The following EPB41L5 variants were observed in gnomAD, a reference collection of about 807,000 sequenced individuals.
The protein encoded by EPB41L5 is band 4.1-like protein 5.
A neutral mutation model predicts 106.6 loss-of-function variants in EPB41L5; 55 were observed. That is an observed-to-expected ratio of 0.52 (90% confidence interval 0.42 to 0.65). The LOEUF (loss-of-function observed/expected upper bound fraction) is 0.65. Ranked by LOEUF, EPB41L5 falls within the 30% of genes least tolerant of loss-of-function variation. The pLI is 0.00. For missense variants in EPB41L5, 871 were observed against 882.1 expected (o/e 0.99, Z 0.16); for synonymous variants, 297 against 306.7 (o/e 0.97, Z 0.33).
rs774375305 is a variant in EPB41L5 at position 120,088,150 on chromosome 2, C to T, written c.873+910C>T. On this transcript the variant is annotated intron_variant, in intron 11 of 24. Transcript: ENST00000263713. ...TCTGTATGTTTAAACATTTTTATAA[C>T]GATGAAAATTTTTTTTTTGAATCCA... is the stretch of plus-strand genomic sequence containing the variant. 1.2e-3 allele frequency among the ~76,000 whole-genome samples: 186 copies of T among 152,184 alleles called. 3 individuals carry two copies. The highest frequency in any genetic ancestry group is 4.1e-4 in the South Asian group (2 of 4,834).
At chr2:120,083,768 A>G (rs1682860199) in intron 10 of EPB41L5, among the ~76,000 whole-genome samples, 2 of 152,310 alleles carry the variant, frequency 1.3e-5, no homozygotes, top group East Asian at 1.9e-4. Flanking sequence ...CACTTGCTTT[A>G]TGAATCTGGG....
intron 21 of EPB41L5, among the ~76,000 whole-genome samples, chr2:120,164,161 T>C (rs1362523568): frequency 1.3e-5 from 2 of 151,772 alleles, no homozygotes; most frequent in African/African-American, 4.8e-5. Flanking sequence ...TTTGTGTATT[T>C]TTAGTAGAGA....
In EPB41L5 at chr2:120,160,897, A is replaced by G. The variant is rs1687112792; in HGVS notation, c.1810A>G (p.Asn604Asp). 6.2e-7 allele frequency: 1 copy of G among 1,612,968 alleles called. No individual in the cohort carries two copies. Among genetic ancestry groups the G allele is most frequent in the Non-Finnish European group, 8.5e-7 (1 of 1,178,974 alleles). Residue 604 changes from asparagine (N) to aspartate (D), a missense_variant, in exon 21 of 25, where the codon AAT becomes GAT. By Grantham distance (23) the Asn-to-Asp change is conservative (BLOSUM62 1). Transcript: ENST00000263713. ...TCTTCCTAGTGCTGTGTTAAATGAG[A>G]ATAATGTGCCCCTCCCCAAAGAGTC... ...AATNSAVLNE[N>D]NVPLPKESLE... is the part of the protein sequence containing the mutation.
chr2:120,064,913 A>G (rs1361422068), intron 3 of EPB41L5, among the ~76,000 whole-genome samples: 2 of 152,202 alleles, frequency 1.3e-5, no homozygotes, highest in Admixed American at 1.3e-4. Context: ...ACATGAACCC[A>G]GACCTTTCCC....
At chr2:120,024,244 TTG>T (rs1164632958) in intron 2 of EPB41L5, among the ~76,000 whole-genome samples, 1 of 152,186 alleles carries the variant, frequency 6.6e-6, no homozygotes, top group Admixed American at 6.5e-5. Flanking sequence ...GAGGGCATCC[TTG>T]TCTTGTGCCA....
rs143962254 is a variant in EPB41L5, at chr2:120,152,645, T to G, written c.1793+6356T>G. Among the ~76,000 whole-genome samples the G allele has an allele frequency of 3.9e-3, 594 of 152,366 alleles. 1 individual carries two copies. The highest frequency in any genetic ancestry group is 7.0e-3 in the Admixed American group (107 of 15,300). ...GCATGATTTAGGAAGTGTTCCTTCT[T>G]CTGCTGTGTTTTGGAAGAGATTGAG... On this transcript the variant is annotated intron_variant, in intron 20 of 24. Transcript: ENST00000263713.
chr2:120,127,542 T>C, intron 16 of EPB41L5, 146 bp from the exon 17 acceptor site: 1 of 609,136 alleles, frequency 1.6e-6, no homozygotes, highest in Non-Finnish European at 2.7e-6. Flanking sequence ...TAAATGTTTT[T>C]TTAATTTTTA....
chr2:120,114,095 T>C (rs1341244299), intron 16 of EPB41L5, among the ~76,000 whole-genome samples: 2 of 152,220 alleles, frequency 1.3e-5, no homozygotes, highest in Non-Finnish European at 1.5e-5. Context: ...GGCCACACCA[T>C]GTGGGTTCCA....
At chr2:120,029,474 G>T (rs975572649) in intron 2 of EPB41L5, among the ~76,000 whole-genome samples, 1 of 152,184 alleles carries the variant, frequency 6.6e-6, no homozygotes. Flanking sequence ...GGGATTATAG[G>T]TAATTGGTTT....
intron 3 of EPB41L5, among the ~76,000 whole-genome samples, chr2:120,044,888 A>G (rs1679659041): frequency 6.6e-6 from 1 of 152,188 alleles, no homozygotes; most frequent in Non-Finnish European, 1.5e-5. Context: ...ACTCTAAACT[A>G]TGAGTTGAGC....
intron 16 of EPB41L5, among the ~76,000 whole-genome samples, chr2:120,114,219 T>G (rs562568816): frequency 1.3e-5 from 2 of 152,332 alleles, no homozygotes; most frequent in South Asian, 4.1e-4. Flanking sequence ...TTTGATCTGC[T>G]TATTGACTTT....
chr2:120,058,753 A>G (rs955368549), intron 3 of EPB41L5, among the ~76,000 whole-genome samples: 26 of 152,208 alleles, frequency 1.7e-4, no homozygotes, highest in African/African-American at 6.0e-4. Flanking sequence ...TAAATTGTCT[A>G]TTTTTAAAAA....
Position 120,125,807 on chromosome 2 carries a change from G to A in EPB41L5, c.1338-1881G>A, listed in dbSNP as rs57632632. Among the ~76,000 whole-genome samples the A allele has an allele frequency of 7.7e-3, 1,167 of 152,226 alleles. 12 individuals are homozygous for A. Among genetic ancestry groups the A allele is most frequent in the African/African-American group, 0.027 (1,108 of 41,526 alleles). On this transcript the variant is annotated intron_variant, in intron 16 of 24. Coordinates refer to ENST00000263713, the MANE Select transcript of EPB41L5 (RefSeq NM_020909.4). ...GATGTATTGGTTTGCTAGGACTACTGTTACAAGGTACCACAAACTGAACTT... is the reference window on the plus strand; with the variant it reads ...GATGTATTGGTTTGCTAGGACTACTATTACAAGGTACCACAAACTGAACTT...
At chr2:120,048,717 T>TC (rs1381405304) in intron 3 of EPB41L5, among the ~76,000 whole-genome samples, 2 of 152,206 alleles carry the variant, frequency 1.3e-5, no homozygotes, top group Non-Finnish European at 2.9e-5. Context: ...TTGCTCTTGC[T>TC]TCTCTAGTTC....
At chr2:120,049,359 A>G (rs574358789) in intron 3 of EPB41L5, among the ~76,000 whole-genome samples, 1 of 152,208 alleles carries the variant, frequency 6.6e-6, no homozygotes, top group Non-Finnish European at 1.5e-5. Context: ...TATTGGGTAC[A>G]TGTATATTTA....
chr2:120,088,786 A>G (rs1683230629), intron 11 of EPB41L5, among the ~76,000 whole-genome samples: 1 of 152,066 alleles, frequency 6.6e-6, no homozygotes, highest in African/African-American at 2.4e-5. Flanking sequence ...ATTCTTGTGG[A>G]GTAGAATGTG....
At chr2:120,073,886 A>G (rs1200332961) in intron 4 of EPB41L5, among the ~76,000 whole-genome samples, 1 of 152,154 alleles carries the variant, frequency 6.6e-6, no homozygotes, top group Non-Finnish European at 1.5e-5. Context: ...GAATTAATCT[A>G]TAGCTGTCTA....
chr2:120,138,377 G>A (rs956463993), intron 18 of EPB41L5, among the ~76,000 whole-genome samples: 1 of 151,906 alleles, frequency 6.6e-6, no homozygotes, highest in Non-Finnish European at 1.5e-5. Flanking sequence ...GAAATAAAGG[G>A]CATCTAAATT....
At position 120,019,134 on chromosome 2, in the gene EPB41L5, A is replaced by C. The variant is rs185025809; in HGVS notation, c.50A>C (p.His17Pro). The change falls in exon 2 of 25, where the codon CAT becomes CCT. Residue 17 changes from histidine (H) to proline (P), a missense_variant. Transcript: ENST00000263713. ...CTAGGGCGTCGGTCTATGCGTAAAC[A>C]TGCAGAGAAGGAACGACTCCGAGAA... is the stretch of plus-strand genomic sequence containing the variant. ...RTLGRRSMRKHAEKERLREAQ... is the reference protein window; with the variant it reads ...RTLGRRSMRKPAEKERLREAQ... 3 of 1,613,542 alleles carry C rather than the reference A, an allele frequency of 1.9e-6. No individual in the cohort carries two copies. Among genetic ancestry groups the C allele is most frequent in the Admixed American group, 1.7e-5 (1 of 59,938 alleles).
Sources: gnomAD v4.1 joint callset for allele counts (sites outside exome capture counted in the v4.1 genomes callset) on GRCh38, gnomAD v4.1.1 for gene constraint, MANE v1.5 for transcripts, NCBI Gene and HGNC (gene_info 2026-07-23, HGNC 2026-07-21) for gene names.